The following WWOX variants were observed in gnomAD, a reference collection of about 807,000 sequenced individuals.
WWOX encodes WW domain containing oxidoreductase, also known as WW domain-containing oxidoreductase.
Under a neutral mutation model 46.2 loss-of-function variants are expected in WWOX, and 69 were observed. That is an observed-to-expected ratio of 1.49 (90% CI 1.23 to 1.82). The LOEUF (loss-of-function observed/expected upper bound fraction) is 1.82. WWOX is among the 40% of genes most tolerant of loss of function. The pLI is 0.00. For missense variants in WWOX, 919 were observed against 542.6 expected, an observed-to-expected ratio of 1.69 and a Z score of -6.89; for synonymous variants, 359 against 202.6, an observed-to-expected ratio of 1.77 and a Z score of -6.56.
In WWOX at chr16:79,211,635, T is replaced by A; in HGVS notation, c.1084T>A (p.Cys362Ser). The change falls in exon 9 of 9, where the codon TGT becomes AGT. Residue 362 changes from cysteine to serine, a missense_variant. Cys to Ser is a moderately radical substitution (Grantham distance 112). Transcript: ENST00000566780. ...MQQGAATTVY[C>S]AAVPELEGLG... Reference sequence around the variant, plus strand: ...ACAGGGAGCTGCCACCACCGTGTACTGTGCTGCTGTCCCAGAACTGGAGGG... The same window carrying A: ...ACAGGGAGCTGCCACCACCGTGTACAGTGCTGCTGTCCCAGAACTGGAGGG... 6.2e-7 allele frequency: 1 copy of A among 1,614,250 alleles called. No individual in the cohort carries two copies. The highest frequency in any genetic ancestry group is 8.5e-7 in the Non-Finnish European group (1 of 1,180,046).
intron 4 of WWOX, among the ~76,000 whole-genome samples, chr16:78,138,158 A>C (rs2033864897): frequency 6.6e-6 from 1 of 150,800 alleles, no homozygotes; most frequent in Middle Eastern, 3.2e-3. Context: ...GTCACAAAAC[A>C]TCACATGACA....
At chr16:78,526,550 T>A (rs2151506138) in intron 8 of WWOX, 1 of 152,362 alleles carries the variant, frequency 6.6e-6, no homozygotes, top group East Asian at 1.9e-4. Context: ...GCCCAACACC[T>A]GAATCTAGGG....
chr16:79,010,448 G>A (rs2047281083), intron 8 of WWOX, among the ~76,000 whole-genome samples: 1 of 152,172 alleles, frequency 6.6e-6, no homozygotes. Context: ...CCACTGGGCA[G>A]GGCATCCCTG....
intron 8 of WWOX, among the ~76,000 whole-genome samples, chr16:78,774,545 CGCAT>C (rs1567551033): frequency 6.6e-6 from 1 of 151,230 alleles, no homozygotes; most frequent in Non-Finnish European, 1.5e-5. Context: ...CGTGCGCACA[CGCAT>C]GAGCCTGTAC....
At chr16:79,090,276 T>TGC in intron 8 of WWOX, among the ~76,000 whole-genome samples, 1 of 128,046 alleles carries the variant, frequency 7.8e-6, no homozygotes, top group South Asian at 2.7e-4. Flanking sequence ...GATTCTACTG[T>TGC]GTGCGTGTGT....
chr16:78,675,917 A>C (rs2047587032), intron 8 of WWOX, among the ~76,000 whole-genome samples: 1 of 152,180 alleles, frequency 6.6e-6, no homozygotes, highest in Admixed American at 6.5e-5. Flanking sequence ...AAGAAGTCAT[A>C]AAGAAGTGGG....
intron 8 of WWOX, among the ~76,000 whole-genome samples, chr16:78,808,418 T>C (rs1327926404): frequency 6.6e-6 from 1 of 152,236 alleles, no homozygotes; most frequent in African/African-American, 2.4e-5. Flanking sequence ...GTAAATGCTA[T>C]TGGGATGTGT....
chr16:78,716,174 G>T (rs1200135176), intron 8 of WWOX, among the ~76,000 whole-genome samples: 1 of 152,120 alleles, frequency 6.6e-6, no homozygotes, highest in Non-Finnish European at 1.5e-5. Flanking sequence ...GGCAGAGATA[G>T]AGGGAAGATG....
chr16:78,998,411 C>T (rs537280092), intron 8 of WWOX, among the ~76,000 whole-genome samples: 1 of 152,240 alleles, frequency 6.6e-6, no homozygotes, highest in East Asian at 1.9e-4. Context: ...ACAGAAGATG[C>T]TCCACATGTG....
At chr16:78,852,927 C>G (rs1183488741) in intron 8 of WWOX, among the ~76,000 whole-genome samples, 1 of 152,186 alleles carries the variant, frequency 6.6e-6, no homozygotes, top group Non-Finnish European at 1.5e-5. Flanking sequence ...TCTTTCTTCT[C>G]ATCATTAAAT....
chr16:78,511,891 CATT>C (rs551980033), intron 8 of WWOX, among the ~76,000 whole-genome samples: 13 of 152,192 alleles, frequency 8.5e-5, no homozygotes, highest in Non-Finnish European at 1.3e-4. Context: ...CTGTTTATGA[CATT>C]ATCCGTTTAC....
chr16:78,566,661 C>T (rs1214186688), intron 8 of WWOX, among the ~76,000 whole-genome samples: 1 of 152,170 alleles, frequency 6.6e-6, no homozygotes, highest in Non-Finnish European at 1.5e-5. Context: ...GGAGAAGTCT[C>T]TCAGGACAGG....
intron 8 of WWOX, among the ~76,000 whole-genome samples, chr16:78,600,662 G>A (rs914932192): frequency 1.3e-5 from 2 of 152,116 alleles, no homozygotes; most frequent in Non-Finnish European, 2.9e-5. Context: ...GGATTCTTCA[G>A]GAAACCCTGG....
chr16:78,381,969 G>T (rs2081965552), intron 5 of WWOX, among the ~76,000 whole-genome samples: 1 of 152,176 alleles, frequency 6.6e-6, no homozygotes, highest in South Asian at 2.1e-4. Context: ...AGGTTCAAGT[G>T]ATCTTCCTGC....
rs535115793 is a variant in WWOX at position 79,148,824 on chromosome 16, A to G, written c.1057-62784A>G. Among the ~76,000 whole-genome samples, 282 of 140,182 alleles carry G rather than the reference A, an allele frequency of 2.0e-3. 2 individuals carry two copies. The South Asian group carries it at 0.027, about 14-fold the overall frequency. The allele number at this position is 140,182 out of a possible 152,430, so 92.0% of individuals were successfully genotyped here. On this transcript the variant is annotated intron_variant, in intron 8 of 8. Coordinates refer to ENST00000566780, the MANE Select transcript of WWOX (RefSeq NM_016373.4). ...GTGTTTTTAATTCCAACTTCTACAT[A>G]TATCTAGAAATATGATTGAGTTTTG...
intron 4 of WWOX, among the ~76,000 whole-genome samples, chr16:78,153,793 C>T (rs2034502055): frequency 1.3e-5 from 2 of 152,170 alleles, no homozygotes; most frequent in African/African-American, 2.4e-5. Flanking sequence ...CCATAATTTA[C>T]AGTAAATGGG....
At chr16:79,030,863 G>T (rs554985463) in intron 8 of WWOX, among the ~76,000 whole-genome samples, 2 of 152,038 alleles carry the variant, frequency 1.3e-5, no homozygotes, top group Non-Finnish European at 2.9e-5. Context: ...CAGGAGGATC[G>T]CTTGAGCCCA....
chr16:78,962,557 G>A (rs1320276182), intron 8 of WWOX, among the ~76,000 whole-genome samples: 1 of 152,074 alleles, frequency 6.6e-6, no homozygotes, highest in African/African-American at 2.4e-5. Flanking sequence ...GGTTTTCCAA[G>A]TGAATGCATC....
chr16:78,413,910 C>T (rs973916873), intron 6 of WWOX, among the ~76,000 whole-genome samples: 2 of 151,634 alleles, frequency 1.3e-5, no homozygotes, highest in African/African-American at 4.8e-5. Flanking sequence ...CCTCTGAGCC[C>T]AAGCTGAGCC....
Sources: allele counts gnomAD v4.1 joint callset (sites outside exome capture counted in the v4.1 genomes callset), GRCh38; gene constraint gnomAD v4.1.1; transcripts MANE v1.5; gene names NCBI Gene and HGNC (gene_info 2026-07-23, HGNC 2026-07-21).